RABL3: variants seen among roughly 807,000 people sequenced by gnomAD.
The protein encoded by RABL3 is RAB, member of RAS oncogene family like 3, also known as rab-like protein 3.
RABL3 carries 31 observed loss-of-function variants against 31.8 expected under a neutral mutation model. The observed-to-expected ratio is 0.97, with a 90% CI of 0.73 to 1.31. RABL3 has a LOEUF of 1.31. RABL3 is among the 40% of genes most tolerant of loss of function. The pLI, the probability that RABL3 is intolerant of heterozygous loss-of-function variation, is 0.00. For missense variants in RABL3, 263 were observed against 279.6 expected, an observed-to-expected ratio of 0.94 and a Z score of 0.42; for synonymous variants, 97 against 99.9, an observed-to-expected ratio of 0.97 and a Z score of 0.18.
intron 1 of RABL3, among the ~76,000 whole-genome samples, chr3:120,741,611 C>T (rs1470919727): frequency 1.3e-5 from 2 of 152,126 alleles, no homozygotes; most frequent in African/African-American, 2.4e-5. Context: ...GCTGGAAATC[C>T]AGACGCCAGC....
intron 4 of RABL3, among the ~76,000 whole-genome samples, chr3:120,702,976 T>C (rs972496394): frequency 6.6e-6 from 1 of 152,186 alleles, no homozygotes; most frequent in African/African-American, 2.4e-5. Flanking sequence ...GTTGTGCAAG[T>C]GCATGAGAAA....
At chr3:120,728,658 T>G (rs1214914989) in intron 2 of RABL3, among the ~76,000 whole-genome samples, 2 of 151,946 alleles carry the variant, frequency 1.3e-5, no homozygotes, top group South Asian at 4.2e-4. Context: ...CATTTGTAAC[T>G]AACCTGCACA....
intron 1 of RABL3, among the ~76,000 whole-genome samples, chr3:120,735,113 G>A (rs1436990622): frequency 1.3e-5 from 2 of 152,194 alleles, no homozygotes; most frequent in East Asian, 3.8e-4. Context: ...AGTTTCAGAA[G>A]GAATGGTACC....
intron 3 of RABL3, among the ~76,000 whole-genome samples, chr3:120,708,049 C>T (rs369496054): frequency 1.3e-5 from 2 of 151,982 alleles, no homozygotes; most frequent in African/African-American, 2.4e-5. Context: ...AGAAAGTTAT[C>T]GCTAAGAATA....
chr3:120,740,636 T>A (rs1242107709), intron 1 of RABL3, among the ~76,000 whole-genome samples: 1 of 152,164 alleles, frequency 6.6e-6, no homozygotes, highest in Non-Finnish European at 1.5e-5. Context: ...AAATAAACTT[T>A]CGGGTTTGAA....
At chr3:120,723,884 G>C (rs555918398) in intron 2 of RABL3, among the ~76,000 whole-genome samples, 1 of 151,880 alleles carries the variant, frequency 6.6e-6, no homozygotes, top group African/African-American at 2.4e-5. Flanking sequence ...TTTGAAAACT[G>C]GCACAAGACA....
rs1432267504 is a variant in RABL3, at chr3:120,685,743, T to A, written c.*4080A>T. Among the ~76,000 whole-genome samples, 2 of 152,208 alleles carry A rather than the reference T, an allele frequency of 1.3e-5. No individual in the cohort carries two copies. The highest frequency in any genetic ancestry group is 2.9e-5 in the Non-Finnish European group (2 of 68,038). ...CACTCATAAAGTACAGAGTTCACAATCTATATTCCCTACTTTTTGATGAGT... is the reference window on the plus strand; with the variant it reads ...CACTCATAAAGTACAGAGTTCACAAACTATATTCCCTACTTTTTGATGAGT... On this transcript the variant is annotated 3_prime_UTR_variant, in exon 8 of 8. Transcript: ENST00000273375.
chr3:120,742,540 T>G (rs1709060932), upstream of RABL3: 1 of 1,612,554 alleles, frequency 6.2e-7, no homozygotes, highest in African/African-American at 1.3e-5. Flanking sequence ...TAACGCCTGT[T>G]CCTGGATTGT....
At chr3:120,691,452 A>ATAGT (rs1708379204) in intron 6 of RABL3, among the ~76,000 whole-genome samples, 1 of 152,170 alleles carries the variant, frequency 6.6e-6, no homozygotes, top group African/African-American at 2.4e-5. Flanking sequence ...CACTTTCAGT[A>ATAGT]TAGTATTCAA....
At chr3:120,713,860 G>C (rs1370581869) in intron 2 of RABL3, among the ~76,000 whole-genome samples, 1 of 147,506 alleles carries the variant, frequency 6.8e-6, no homozygotes, top group Non-Finnish European at 1.5e-5. Context: ...ACCCAGGCTG[G>C]AGTGCAGTGG....
intron 3 of RABL3, among the ~76,000 whole-genome samples, chr3:120,707,276 A>G (rs1438673438): frequency 6.6e-6 from 1 of 152,094 alleles, no homozygotes; most frequent in Non-Finnish European, 1.5e-5. Flanking sequence ...TGAAACTAAT[A>G]GAGATCTGAC....
chr3:120,721,742 C>T lies in RABL3; in HGVS notation c.138+8954G>A, dbSNP rs956830189. Among the ~76,000 whole-genome samples the T allele has an allele frequency of 1.1e-4, 16 of 152,206 alleles. No homozygotes were observed. The East Asian group carries it at 1.3e-3, about 13-fold the overall frequency. On this transcript the variant is annotated intron_variant, in intron 2 of 7. Coordinates refer to ENST00000273375, the MANE Select transcript of RABL3 (RefSeq NM_173825.5). ...ACAATAATAATGGGAGACTTTAACA[C>T]ACCACTGTCAACATTAGACAGATCA...
intron 2 of RABL3, among the ~76,000 whole-genome samples, chr3:120,723,293 G>T (rs1226008054): frequency 6.6e-6 from 1 of 152,168 alleles, no homozygotes; most frequent in Non-Finnish European, 1.5e-5. Flanking sequence ...CTAGGAAATT[G>T]GGGCAACAAT....
At position 120,689,712 on chromosome 3, in the gene RABL3, G is replaced by C; in HGVS notation, c.*111C>G. On this transcript the variant is annotated 3_prime_UTR_variant, in exon 8 of 8. Coordinates refer to ENST00000273375, the MANE Select transcript of RABL3 (RefSeq NM_173825.5). ...CATTAAAGGGTAAGGCTGAAGGGTA[G>C]CATTTTAAGATGATTTTGTTAAAAG... The C allele has an allele frequency of 1.3e-6, 1 of 774,566 alleles. No individual in the cohort carries two copies. The highest frequency in any genetic ancestry group is 2.2e-6 in the Non-Finnish European group (1 of 449,674). 48.0% of individuals were successfully genotyped at this position (774,566 alleles called of 1,614,324 possible). A position where few individuals can be genotyped will look rare whatever the true frequency, so the allele number is the denominator to read the frequency against.
At chr3:120,711,912 T>G (rs539934198) in intron 2 of RABL3, among the ~76,000 whole-genome samples, 1 of 152,282 alleles carries the variant, frequency 6.6e-6, no homozygotes, top group South Asian at 2.1e-4. Flanking sequence ...AGGCCTAGAT[T>G]CTACTCCTTG....
intron 2 of RABL3, among the ~76,000 whole-genome samples, chr3:120,724,984 A>G (rs1708799727): frequency 6.6e-6 from 1 of 152,156 alleles, no homozygotes; most frequent in Non-Finnish European, 1.5e-5. Flanking sequence ...TCTGCACAGC[A>G]AAAGAAACTA....
intron 2 of RABL3, among the ~76,000 whole-genome samples, chr3:120,727,934 A>G (rs1559821911): frequency 6.6e-6 from 1 of 152,186 alleles, no homozygotes; most frequent in Non-Finnish European, 1.5e-5. Flanking sequence ...CATTTCTTTA[A>G]TCTAATCAAA....
chr3:120,700,936 A>T (rs1439117006), intron 4 of RABL3, among the ~76,000 whole-genome samples: 1 of 152,134 alleles, frequency 6.6e-6, no homozygotes, highest in Non-Finnish European at 1.5e-5. Context: ...TATAAAATTT[A>T]CCTAAATTGT....
intron 3 of RABL3, among the ~76,000 whole-genome samples, chr3:120,708,567 T>C (rs921527203): frequency 3.3e-5 from 5 of 152,084 alleles, no homozygotes; most frequent in African/African-American, 1.2e-4. Context: ...ATTTTACTGA[T>C]ACAAGTTGAT....
Sources: allele counts gnomAD v4.1 joint callset (sites outside exome capture counted in the v4.1 genomes callset), GRCh38; gene constraint gnomAD v4.1.1; transcripts MANE v1.5; gene names NCBI Gene and HGNC (gene_info 2026-07-23, HGNC 2026-07-21).